Variants in HECW1 observed in about 807,000 individuals in gnomAD.
HECW1 encodes HECT, C2 and WW domain containing E3 ubiquitin protein ligase 1, also known as E3 ubiquitin-protein ligase HECW1.
A neutral mutation model predicts 182.3 loss-of-function variants in HECW1; 61 were observed. That is an observed-to-expected ratio of 0.33 (90% confidence interval 0.27 to 0.41). HECW1 has a LOEUF of 0.41. HECW1 is among the 10% of genes least tolerant of loss of function. The pLI, the probability that HECW1 is intolerant of heterozygous loss-of-function variation, is 1.00. For synonymous variants in HECW1, 859 were observed against 832.6 expected (o/e 1.03, Z -0.55); for missense variants, 1,739 against 2,108.9 (o/e 0.82, Z 3.44).
chr7:43,386,614 G>A (rs2152831400), intron 6 of HECW1, among the ~76,000 whole-genome samples: 1 of 152,280 alleles, frequency 6.6e-6, no homozygotes, highest in Non-Finnish European at 1.5e-5. Context: ...CCCCCTGCAT[G>A]TTTCTGCTGT....
chr7:43,157,931 A>T (rs1790070008), intron 2 of HECW1, among the ~76,000 whole-genome samples: 1 of 152,206 alleles, frequency 6.6e-6, no homozygotes, highest in Non-Finnish European at 1.5e-5. Flanking sequence ...GGCCTTAGAC[A>T]GCTCTGGTCT....
At chr7:43,253,198 G>T (rs1800218543) in intron 3 of HECW1, among the ~76,000 whole-genome samples, 1 of 152,126 alleles carries the variant, frequency 6.6e-6, no homozygotes, top group Non-Finnish European at 1.5e-5. Context: ...CAACCTCTTG[G>T]AGCCTCTCAT....
At position 43,450,908 on chromosome 7, in the gene HECW1, A is replaced by G. The variant is rs765564136; in HGVS notation, c.2479A>G (p.Ile827Val). 8 of 1,610,894 alleles carry G rather than the reference A, an allele frequency of 5.0e-6. No individual in the cohort carries two copies. Among genetic ancestry groups the G allele is most frequent in the Middle Eastern group, 1.6e-4 (1 of 6,080 alleles). ...GCCTGAACATCATCACTACCCAACA[A>G]TCGATGAGCCTCTTCCACCAAGTAA... is the stretch of plus-strand genomic sequence containing the variant. ...LRPEHHHYPT[I>V]DEPLPPNWEA... The change falls in exon 12 of 30, where the codon ATC becomes GTC. Residue 827 changes from isoleucine to valine, a missense_variant. Ile to Val is a conservative substitution (Grantham distance 29). Transcript: ENST00000395891.
intron 24 of HECW1, among the ~76,000 whole-genome samples, chr7:43,519,469 C>T (rs1268739561): frequency 1.3e-5 from 2 of 152,168 alleles, no homozygotes; most frequent in Non-Finnish European, 2.9e-5. Context: ...TGGTCTCAAA[C>T]TCCTGACTTC....
chr7:43,112,703 C>G lies in HECW1; in HGVS notation c.-501C>G, dbSNP rs986835614. On this transcript the variant is annotated 5_prime_UTR_variant, in exon 1 of 30. Transcript: ENST00000395891. ...CGTGCGACTCTGACCGAACCGGCCC[C>G]CTCCTCGCGCACACACTCGCCGAGC... 8.7e-6 allele frequency: 2 copies of G among 230,782 alleles called. No individual in the cohort carries two copies. The highest frequency in any genetic ancestry group is 4.4e-5 in the African/African-American group (2 of 45,146). 14.3% of individuals were successfully genotyped at this position (230,782 alleles called of 1,614,324 possible).
chr7:43,505,687 G>A (rs2152926730), intron 21 of HECW1, among the ~76,000 whole-genome samples: 1 of 152,158 alleles, frequency 6.6e-6, no homozygotes, highest in East Asian at 1.9e-4. Context: ...TCTTCTCCCA[G>A]CTCATCTCCT....
intron 2 of HECW1, among the ~76,000 whole-genome samples, chr7:43,142,837 A>G (rs866822900): frequency 1.3e-5 from 2 of 151,556 alleles, no homozygotes; most frequent in Non-Finnish European, 2.9e-5. Flanking sequence ...TATCTGTGGG[A>G]TGGAGCACAG....
At chr7:43,385,840 C>T (rs1393720622) in intron 6 of HECW1, among the ~76,000 whole-genome samples, 1 of 152,190 alleles carries the variant, frequency 6.6e-6, no homozygotes. Context: ...AAAGTTAGCT[C>T]GTGGGTCTAT....
At chr7:43,460,223 T>C (rs1012517505) in intron 13 of HECW1, among the ~76,000 whole-genome samples, 2 of 152,260 alleles carry the variant, frequency 1.3e-5, no homozygotes, top group African/African-American at 4.8e-5. Flanking sequence ...AACTGCTTTC[T>C]ACATTAGACA....
chr7:43,130,180 C>A (rs1431898344), intron 2 of HECW1, among the ~76,000 whole-genome samples: 1 of 152,050 alleles, frequency 6.6e-6, no homozygotes, highest in East Asian at 1.9e-4. Context: ...GCATTTTCTT[C>A]TCAGAGATTT....
rs778681349 is a variant in HECW1, at chr7:43,501,180, T to C, written c.3522-33T>C. The stretch of plus-strand genomic sequence containing the variant: ...GGGATGTAAAACTGACTTTCTTTTC[T>C]TTCTTTTTTTTTTTTTTTTTTTTCA... On this transcript the variant is annotated intron_variant, in intron 20 of 29. Coordinates refer to ENST00000395891, the MANE Select transcript of HECW1 (RefSeq NM_015052.5). 1.7e-5 allele frequency: 21 copies of C among 1,253,320 alleles called. 2 individuals are homozygous for C. In the South Asian group the frequency reaches 2.8e-4, roughly 16 times the overall value. The allele number at this position is 1,253,320 out of a possible 1,614,324, so 77.6% of individuals were successfully genotyped here.
intron 3 of HECW1, among the ~76,000 whole-genome samples, chr7:43,247,646 AAGAG>A (rs1324455228): frequency 7.2e-6 from 1 of 139,154 alleles, no homozygotes; most frequent in Non-Finnish European, 1.6e-5. Flanking sequence ...GAAGGAAAGA[AAGAG>A]AGAGAGAGAG....
intron 26 of HECW1, among the ~76,000 whole-genome samples, chr7:43,544,804 C>A (rs902515301): frequency 6.6e-6 from 1 of 152,074 alleles, no homozygotes; most frequent in Non-Finnish European, 1.5e-5. Flanking sequence ...ACACCCCAAC[C>A]CCTCAATTCA....
chr7:43,526,916 A>T (rs1284919634), intron 24 of HECW1, among the ~76,000 whole-genome samples: 2 of 152,046 alleles, frequency 1.3e-5, no homozygotes, highest in Non-Finnish European at 2.9e-5. Context: ...GGATCACTTA[A>T]CCCAGGAGGT....
intron 8 of HECW1, among the ~76,000 whole-genome samples, chr7:43,414,924 G>T (rs1342006773): frequency 3.3e-5 from 5 of 151,838 alleles, no homozygotes; most frequent in African/African-American, 7.3e-5. Flanking sequence ...TCTCTTTTTT[G>T]GTTGTGTCTC....
At chr7:43,196,917 A>AT (rs1355602493) in intron 2 of HECW1, among the ~76,000 whole-genome samples, 1 of 152,062 alleles carries the variant, frequency 6.6e-6, no homozygotes, top group Non-Finnish European at 1.5e-5. Flanking sequence ...CCCTTGAGCC[A>AT]TTTTTTTAAG....
intron 3 of HECW1, among the ~76,000 whole-genome samples, chr7:43,274,983 G>A (rs1164423076): frequency 6.6e-6 from 1 of 152,204 alleles, no homozygotes; most frequent in Non-Finnish European, 1.5e-5. Context: ...AGAGGGAAGT[G>A]TCCAGGGGTC....
chr7:43,492,978 T>G (rs2078986749), intron 18 of HECW1, 106 bp from the exon 19 acceptor site: 1 of 678,450 alleles, frequency 1.5e-6, no homozygotes, highest in South Asian at 2.0e-5. Flanking sequence ...TGCCTGCCCT[T>G]CAAACTCCTT....
Position 43,565,601 on chromosome 7 carries a change from C to T in HECW1, c.*3675C>T, listed in dbSNP as rs1453645570. The T allele has an allele frequency of 2.4e-5, 4 of 163,994 alleles. No homozygotes were observed. The highest frequency in any genetic ancestry group is 2.2e-4 in the East Asian group (2 of 8,926). 10.2% of individuals were successfully genotyped at this position (163,994 alleles called of 1,614,324 possible). On this transcript the variant is annotated 3_prime_UTR_variant, in exon 30 of 30. Coordinates refer to ENST00000395891, the MANE Select transcript of HECW1 (RefSeq NM_015052.5). ...ATTATTTTTATTATTATTATTATTA[C>T]GTACTTCAGTGTTCATTATTAAAAC...
Sources: allele counts gnomAD v4.1 joint callset (sites outside exome capture counted in the v4.1 genomes callset), GRCh38; gene constraint gnomAD v4.1.1; transcripts MANE v1.5; gene names NCBI Gene and HGNC (gene_info 2026-07-23, HGNC 2026-07-21).